Variants in HS6ST2 observed in about 807,000 individuals in gnomAD.
The protein encoded by HS6ST2 is heparan-sulfate 6-O-sulfotransferase 2.
In HS6ST2, 17 loss-of-function variants were observed where a neutral mutation model predicts 33.0. The ratio of observed to expected loss-of-function variants is 0.52; its 90% CI spans 0.35 to 0.77. The LOEUF is 0.77. Ranked by LOEUF, HS6ST2 falls within the 30% of genes least tolerant of loss-of-function variation. The pLI is 0.01. For synonymous variants in HS6ST2, 248 were observed against 237.1 expected, an observed-to-expected ratio of 1.05 and a Z score of -0.42; for missense variants, 519 against 551.7, an observed-to-expected ratio of 0.94 and a Z score of 0.59.
At chrX:132,775,250 CT>C (rs1257416182) in intron 2 of HS6ST2, among the ~76,000 whole-genome samples, 1 of 111,701 alleles carries the variant, frequency 9.0e-6, no homozygotes, top group Non-Finnish European at 1.9e-5. Context: ...CTCTACATTA[CT>C]TTTCAAAACC....
chrX:132,939,892 T>A (rs1375376714), intron 2 of HS6ST2, among the ~76,000 whole-genome samples: 1 of 111,825 alleles, frequency 8.9e-6, no homozygotes, highest in Non-Finnish European at 1.9e-5. Flanking sequence ...TCTACAGATT[T>A]AATACAATCC....
intron 2 of HS6ST2, among the ~76,000 whole-genome samples, chrX:132,801,244 C>A (rs2065231870): frequency 9.1e-6 from 1 of 109,522 alleles, no homozygotes; most frequent in Admixed American, 9.8e-5. Flanking sequence ...TGCAGTGAGT[C>A]GAGATCGCGT....
At chrX:132,750,533 A>G (rs1443072832) in intron 2 of HS6ST2, among the ~76,000 whole-genome samples, 1 of 111,325 alleles carries the variant, frequency 9.0e-6, no homozygotes, top group African/African-American at 3.3e-5. Flanking sequence ...TTTCATCTAA[A>G]GACATCTGTT....
intron 2 of HS6ST2, among the ~76,000 whole-genome samples, chrX:132,721,954 C>T (rs983845565): frequency 9.1e-6 from 1 of 110,306 alleles, no homozygotes; most frequent in Non-Finnish European, 1.9e-5. Flanking sequence ...TTTGGGAGGC[C>T]GAGACGGGCG....
intron 2 of HS6ST2, among the ~76,000 whole-genome samples, chrX:132,942,593 T>C (rs749712603): frequency 1.8e-5 from 2 of 112,123 alleles, no homozygotes; most frequent in African/African-American, 6.5e-5. Flanking sequence ...AAAATAAGAA[T>C]AGCCTTCAGG....
At chrX:132,710,611 G>C (rs2064222640) in intron 2 of HS6ST2, among the ~76,000 whole-genome samples, 1 of 110,861 alleles carries the variant, frequency 9.0e-6, no homozygotes. Context: ...TTTTATTTAT[G>C]CCTTTGTTTA....
chrX:132,834,880 G>C (rs1602729952), intron 2 of HS6ST2, among the ~76,000 whole-genome samples: 1 of 111,917 alleles, frequency 8.9e-6, no homozygotes, highest in East Asian at 2.8e-4. Context: ...TGAGGGCATA[G>C]GTGGCTCTCG....
intron 2 of HS6ST2, among the ~76,000 whole-genome samples, chrX:132,720,753 A>C (rs1285372706): frequency 2.0e-5 from 2 of 98,670 alleles, no homozygotes; most frequent in African/African-American, 4.1e-5. Flanking sequence ...AATGGAAACC[A>C]AAAAAAAAAA....
chrX:132,744,973 A>G (rs771040402), intron 2 of HS6ST2, among the ~76,000 whole-genome samples: 9 of 112,456 alleles, frequency 8.0e-5, no homozygotes, highest in African/African-American at 2.6e-4. Context: ...CTTTTAGTTT[A>G]GATTCAGGCG....
chrX:132,884,574 CTG>C (rs1396690557), intron 2 of HS6ST2, among the ~76,000 whole-genome samples: 1 of 112,084 alleles, frequency 8.9e-6, no homozygotes. Flanking sequence ...AAAAGAGTAA[CTG>C]TGTCTAATCT....
intron 2 of HS6ST2, among the ~76,000 whole-genome samples, chrX:132,882,839 C>T (rs1454000961): frequency 2.8e-4 from 31 of 111,291 alleles, no homozygotes; most frequent in African/African-American, 9.5e-4. Context: ...GCATGAAGGG[C>T]TGTTGAATTT....
At chrX:132,630,293 T>C (rs1259169330) in intron 4 of HS6ST2, among the ~76,000 whole-genome samples, 1 of 112,357 alleles carries the variant, frequency 8.9e-6, no homozygotes, top group African/African-American at 3.2e-5. Flanking sequence ...TTCTGAAATA[T>C]TCATTCCCAT....
intron 2 of HS6ST2, among the ~76,000 whole-genome samples, chrX:132,817,373 G>A (rs1013586154): frequency 2.7e-5 from 3 of 110,727 alleles, no homozygotes; most frequent in Non-Finnish European, 5.7e-5. Context: ...CATACTCAGG[G>A]GCACCACATA....
At chrX:132,917,894 C>T (rs1475641882) in intron 2 of HS6ST2, among the ~76,000 whole-genome samples, 1 of 112,083 alleles carries the variant, frequency 8.9e-6, no homozygotes, top group Non-Finnish European at 1.9e-5. Flanking sequence ...GCCCAATTAG[C>T]TGCAGTGTGG....
At chrX:132,926,180 G>A (rs180785787) in intron 2 of HS6ST2, among the ~76,000 whole-genome samples, 21 of 112,697 alleles carry the variant, frequency 1.9e-4, no homozygotes, top group African/African-American at 6.8e-4. Context: ...AGAAATCTGC[G>A]TTTTTGGAGA....
At chrX:132,697,943 T>A (rs2148236927) in intron 3 of HS6ST2, among the ~76,000 whole-genome samples, 1 of 111,817 alleles carries the variant, frequency 8.9e-6, no homozygotes, top group South Asian at 3.7e-4. Context: ...ATTGGCTTCT[T>A]CTCATTTTAC....
At chrX:132,954,666 C>T (rs935442011) in intron 2 of HS6ST2, among the ~76,000 whole-genome samples, 6 of 111,846 alleles carry the variant, frequency 5.4e-5, no homozygotes, top group Non-Finnish European at 9.4e-5. Context: ...CTTGAGGTAG[C>T]AATGCATTTC....
rs957801434 is a variant in HS6ST2, at chrX:132,791,107, G to A, written c.948-82613C>T. Among the ~76,000 whole-genome samples the A allele has an allele frequency of 4.5e-5, 5 of 110,739 alleles. No individual in the cohort carries two copies. The Middle Eastern group carries it at 0.018, about 406-fold the overall frequency. ...GGCTGCAGTGACCCATGACTGCACC[G>A]CTGCATTCCAGCCTGGGTGATAGAG... is the stretch of plus-strand genomic sequence containing the variant. On this transcript the variant is annotated intron_variant, in intron 2 of 4. Transcript: ENST00000370833.
intron 2 of HS6ST2, among the ~76,000 whole-genome samples, chrX:132,760,728 G>A (rs2064798030): frequency 9.0e-6 from 1 of 111,105 alleles, no homozygotes; most frequent in African/African-American, 3.3e-5. Flanking sequence ...TTCAGTGGAG[G>A]GGGCAGGGCG....
Sources: gnomAD v4.1 joint callset for allele counts (sites outside exome capture counted in the v4.1 genomes callset) on GRCh38, gnomAD v4.1.1 for gene constraint, MANE v1.5 for transcripts, NCBI Gene and HGNC (gene_info 2026-07-23, HGNC 2026-07-21) for gene names.